DDX39A: variants seen among roughly 807,000 people sequenced by gnomAD.
DDX39A encodes DExD-box helicase 39A, also known as ATP-dependent RNA helicase DDX39A.
In DDX39A, 13 loss-of-function variants were observed where a neutral mutation model predicts 46.3. The observed-to-expected ratio is 0.28, with a 90% CI of 0.18 to 0.45. DDX39A has a LOEUF of 0.45. DDX39A is among the 20% of genes least tolerant of loss of function. The pLI, the probability that DDX39A is intolerant of heterozygous loss-of-function variation, is 1.00. For missense variants in DDX39A, 352 were observed against 581.8 expected (o/e 0.61, Z 4.06); for synonymous variants, 234 against 224.6 (o/e 1.04, Z -0.38).
chr19:14,419,137 C>A, intron 1 of DDX39A, 133 bp downstream of exon 1: 1 of 363,718 alleles, frequency 2.7e-6, no homozygotes, highest in Non-Finnish European at 5.4e-6. Context: ...CTCTGACACA[C>A]CAACCGCCCC....
chr19:14,412,691 C>T lies in DDX39A; in HGVS notation c.209-13G>A. 6.3e-7 allele frequency: 1 copy of T among 1,597,208 alleles called. No homozygotes were observed. The highest frequency in any genetic ancestry group is 1.1e-5 in the South Asian group (1 of 90,350). Reference sequence around the variant, plus strand: ...CACTCATGCTGGACTGCAGGAGAAGCAGAGCGTGAGGGACGAGAACCTGGA... The same window carrying T: ...CACTCATGCTGGACTGCAGGAGAAGTAGAGCGTGAGGGACGAGAACCTGGA... On this transcript the variant is annotated splice_polypyrimidine_tract_variant and intron_variant, in intron 2 of 10. Coordinates refer to ENST00000242776, the MANE Select transcript of DDX39A (RefSeq NM_005804.4). This position sits in a 1 kb window ranked among gnomAD's most constrained non-coding sequence, Gnocchi z 4.4.
rs547298868 is a variant in DDX39A at position 14,411,233 on chromosome 19, C to G, written c.430-61G>C. On this transcript the variant is annotated intron_variant, in intron 4 of 10. Coordinates refer to ENST00000242776, the MANE Select transcript of DDX39A (RefSeq NM_005804.4). This position sits in a 1 kb window ranked among gnomAD's most constrained non-coding sequence, Gnocchi z 4.1. Reference sequence around the variant, plus strand: ...ACACGGCCCAAGGCCCCAACCTGCACGGCCCAGCACCTGCGAACAGGAGGC... The same window carrying G: ...ACACGGCCCAAGGCCCCAACCTGCAGGGCCCAGCACCTGCGAACAGGAGGC... 5.6e-5 allele frequency: 84 copies of G among 1,503,390 alleles called. No homozygotes were observed. In the Admixed American group the frequency reaches 6.8e-4, roughly 12 times the overall value. The allele number at this position is 1,503,390 out of a possible 1,614,324, so 93.1% of individuals were successfully genotyped here. A position where few individuals can be genotyped will look rare whatever the true frequency, so the allele number is the denominator to read the frequency against.
chr19:14,409,499 G>T lies in DDX39A; in HGVS notation c.974+37C>A. On this transcript the variant is annotated intron_variant, in intron 8 of 10. Transcript: ENST00000242776. The surrounding 1 kb of genome is among the most constrained non-coding windows in gnomAD (Gnocchi z 8.3). ...GCCGTCAGACACTGGGCTCCTGGTG[G>T]TGCTCCCTGCAGCCTTGGCGGGCGG... 1 of 1,611,320 alleles carries T rather than the reference G, an allele frequency of 6.2e-7. No homozygotes were observed.
chr19:14,411,212 G>A lies in DDX39A; in HGVS notation c.430-40C>T, dbSNP rs371981175. ...AGGAAACCGCTCCATGCTGATACACGGCCCAAGGCCCCAACCTGCACGGCC... is the reference window on the plus strand; with the variant it reads ...AGGAAACCGCTCCATGCTGATACACAGCCCAAGGCCCCAACCTGCACGGCC... On this transcript the variant is annotated intron_variant, in intron 4 of 10. Coordinates refer to ENST00000242776, the MANE Select transcript of DDX39A (RefSeq NM_005804.4). This position sits in a 1 kb window ranked among gnomAD's most constrained non-coding sequence, Gnocchi z 4.1. 2.9e-5 allele frequency: 45 copies of A among 1,532,002 alleles called. No individual in the cohort carries two copies. The highest frequency in any genetic ancestry group is 2.3e-4 in the East Asian group (10 of 43,980). The allele number at this position is 1,532,002 out of a possible 1,614,324, so 94.9% of individuals were successfully genotyped here. A position where few individuals can be genotyped will look rare whatever the true frequency, so the allele number is the denominator to read the frequency against.
At chr19:14,418,742 G>T (rs529734571) in intron 1 of DDX39A, among the ~76,000 whole-genome samples, 27 of 152,208 alleles carry the variant, frequency 1.8e-4, no homozygotes, top group Admixed American at 5.9e-4. Context: ...GAGATTACAA[G>T]AGCCACCGCG....
rs1384185032 is a variant in DDX39A, at chr19:14,412,220, A to C, written c.336+331T>G. 1 of 287,334 alleles carries C rather than the reference A, an allele frequency of 3.5e-6. No individual in the cohort carries two copies. The highest frequency in any genetic ancestry group is 2.2e-5 in the African/African-American group (1 of 45,932). 17.8% of individuals were successfully genotyped at this position (287,334 alleles called of 1,614,324 possible). A position where few individuals can be genotyped will look rare whatever the true frequency, so the allele number is the denominator to read the frequency against. ...GGCAACCCAACCTTCACAGATGGAC[A>C]CTCTCTAGGTAAGTGGCACGGCAAA... is the stretch of plus-strand genomic sequence containing the variant. On this transcript the variant is annotated intron_variant, in intron 3 of 10. Transcript: ENST00000242776. This position sits in a 1 kb window ranked among gnomAD's most constrained non-coding sequence, Gnocchi z 4.4.
rs1976489306 is a variant in DDX39A at position 14,409,789 on chromosome 19, T to C, written c.817A>G (p.Lys273Glu). The C allele has an allele frequency of 6.2e-7, 1 of 1,614,036 alleles. No individual in the cohort carries two copies. The highest frequency in any genetic ancestry group is 8.5e-7 in the Non-Finnish European group (1 of 1,180,042). ...AAGAGATCAAAGAGCTTGCGGTTCT[T>C]CTCACTGTCTTTGAGTTTGACGTAG... The part of the protein sequence containing the change: ...QYYVKLKDSE[K>E]NRKLFDLLDV... Residue 273 changes from lysine to glutamate, a missense_variant, in exon 7 of 11, where the codon AAG (lysine) becomes GAG (glutamate). By Grantham distance (56) the Lys-to-Glu change is moderately conservative. This residue lies in a region of DDX39A where 301 missense variants were observed against 469.9 expected (regional missense o/e 0.64). Coordinates refer to ENST00000242776, the MANE Select transcript of DDX39A (RefSeq NM_005804.4). The surrounding 1 kb of genome is among the most constrained non-coding windows in gnomAD (Gnocchi z 8.3).
chr19:14,412,098 A>G lies in DDX39A; in HGVS notation c.336+453T>C, dbSNP rs543303821. Among the ~76,000 whole-genome samples the G allele has an allele frequency of 6.6e-6, 1 of 152,312 alleles. No homozygotes were observed. The highest frequency in any genetic ancestry group is 1.9e-4 in the East Asian group (1 of 5,184). ...CCTGACTCGGGAGCAAGACACCAGA[A>G]TTCACTGAAGTGTCTCCCCAGGACA... On this transcript the variant is annotated intron_variant, in intron 3 of 10. Transcript: ENST00000242776. The surrounding 1 kb of genome is among the most constrained non-coding windows in gnomAD (Gnocchi z 4.4).
Position 14,409,904 on chromosome 19 carries a change from C to A in DDX39A, c.733-31G>T. On this transcript the variant is annotated intron_variant, in intron 6 of 10. Transcript: ENST00000242776. This position sits in a 1 kb window ranked among gnomAD's most constrained non-coding sequence, Gnocchi z 8.3. ...TGGGAAGGGAGGTGGGAGGGGCGGG[C>A]AGGGATCACCTCTGGGCATCTCGCC... The A allele has an allele frequency of 6.2e-7, 1 of 1,612,004 alleles. No individual in the cohort carries two copies. The highest frequency in any genetic ancestry group is 8.5e-7 in the Non-Finnish European group (1 of 1,179,870).
In DDX39A at chr19:14,412,447, GC is replaced by G. The variant is rs1976630265; in HGVS notation, c.336+103del. 3 of 1,470,638 alleles carry G rather than the reference GC, an allele frequency of 2.0e-6. No individual in the cohort carries two copies. The highest frequency in any genetic ancestry group is 2.7e-6 in the Non-Finnish European group (3 of 1,097,554). 91.1% of individuals were successfully genotyped at this position (1,470,638 alleles called of 1,614,324 possible). On this transcript the variant is annotated intron_variant, in intron 3 of 10. Transcript: ENST00000242776. The surrounding 1 kb of genome is among the most constrained non-coding windows in gnomAD (Gnocchi z 4.4). ...GGGCTCAAGCAATCCTCCAGCCTCA[GC>G]TTCCCAAAGCACTGGGCTAACAGGT... is the stretch of plus-strand genomic sequence containing the variant.
rs752709024 is a variant in DDX39A, at chr19:14,411,513, C to A, written c.422G>T (p.Ser141Ile). The A allele has an allele frequency of 6.2e-7, 1 of 1,614,164 alleles. No homozygotes were observed. The highest frequency in any genetic ancestry group is 8.5e-7 in the Non-Finnish European group (1 of 1,179,972). The change falls in exon 4 of 11, where the codon AGC becomes ATC. Residue 141 changes from serine to isoleucine, a missense_variant. Around this residue, in one of 3 missense-constraint regions of DDX39A, gnomAD observed 301 missense variants for 469.9 expected, o/e 0.64. Coordinates refer to ENST00000242776, the MANE Select transcript of DDX39A (RefSeq NM_005804.4). The surrounding 1 kb of genome is among the most constrained non-coding windows in gnomAD (Gnocchi z 4.1). ...EYERFSKYMPSVKVSVFFGGL... is the reference protein window; with the variant it reads ...EYERFSKYMPIVKVSVFFGGL... ...CTGGCCCGAGGGACTCACCTTGACG[C>A]TGGGCATGTACTTGGAAAAGCGCTC...
chr19:14,416,942 C>G (rs558436080), intron 1 of DDX39A, among the ~76,000 whole-genome samples: 5 of 152,132 alleles, frequency 3.3e-5, no homozygotes, highest in Non-Finnish European at 7.4e-5. Context: ...CTCTGCCTCC[C>G]AAAGTGCTGG....
rs764998809 is a variant in DDX39A, at chr19:14,409,672, C to T, written c.865-27G>A. On this transcript the variant is annotated intron_variant, in intron 7 of 10. Transcript: ENST00000242776. This position sits in a 1 kb window ranked among gnomAD's most constrained non-coding sequence, Gnocchi z 8.3. ...TGAGGGAAGGAGTGGCAGTCAGGGCCACACAGTCCCTGTGGCCCAGTGACC... is the reference window on the plus strand; with the variant it reads ...TGAGGGAAGGAGTGGCAGTCAGGGCTACACAGTCCCTGTGGCCCAGTGACC... 5.6e-6 allele frequency: 9 copies of T among 1,610,092 alleles called. No individual in the cohort carries two copies. Among genetic ancestry groups the T allele is most frequent in the South Asian group, 5.5e-5 (5 of 90,838 alleles).
Position 14,409,882 on chromosome 19 carries a change from G to A in DDX39A, c.733-9C>T. On this transcript the variant is annotated splice_polypyrimidine_tract_variant and intron_variant, in intron 6 of 10. Coordinates refer to ENST00000242776, the MANE Select transcript of DDX39A (RefSeq NM_005804.4). This position sits in a 1 kb window ranked among gnomAD's most constrained non-coding sequence, Gnocchi z 8.3. ...ACAAACACCTCCATGGGCTGTGTGG[G>A]AAGGGAGGTGGGAGGGGCGGGCAGG... 1 of 1,613,492 alleles carries A rather than the reference G, an allele frequency of 6.2e-7. No individual in the cohort carries two copies.
intron 1 of DDX39A, 107 bp downstream of exon 1, chr19:14,419,163 C>A (rs1671319663): frequency 3.1e-5 from 11 of 350,360 alleles, no homozygotes; most frequent in South Asian, 2.3e-4. Flanking sequence ...CACCGTCTCG[C>A]GACCCTTTCT....
rs1052349198 is a variant in DDX39A, at chr19:14,412,235, G to A, written c.336+316C>T. ...ACAGATGGACACTCTCTAGGTAAGTGGCACGGCAAAACAGCAACGATGCCT... is the reference window on the plus strand; with the variant it reads ...ACAGATGGACACTCTCTAGGTAAGTAGCACGGCAAAACAGCAACGATGCCT... On this transcript the variant is annotated intron_variant, in intron 3 of 10. Transcript: ENST00000242776. This position sits in a 1 kb window ranked among gnomAD's most constrained non-coding sequence, Gnocchi z 4.4. 3.0e-6 allele frequency: 1 copy of A among 329,548 alleles called. No individual in the cohort carries two copies. Among genetic ancestry groups the A allele is most frequent in the African/African-American group, 2.1e-5 (1 of 47,200 alleles). The allele number at this position is 329,548 out of a possible 1,614,324, so 20.4% of individuals were successfully genotyped here. A position where few individuals can be genotyped will look rare whatever the true frequency, so the allele number is the denominator to read the frequency against.
At position 14,411,539 on chromosome 19, in the gene DDX39A, A is replaced by G. The variant is rs2146388422; in HGVS notation, c.396T>C (p.Tyr132=). The change falls in exon 4 of 11, where the codon TAT becomes TAC. Residue 132 remains tyrosine, a synonymous_variant. Transcript: ENST00000242776. This position sits in a 1 kb window ranked among gnomAD's most constrained non-coding sequence, Gnocchi z 4.1. Reference sequence around the variant, plus strand: ...TGGGCATGTACTTGGAAAAGCGCTCATATTCCTTGCTGATCTGGAAGGCCA... The same window carrying G: ...TGGGCATGTACTTGGAAAAGCGCTCGTATTCCTTGCTGATCTGGAAGGCCA... ...RELAFQISKE[Y]ERFSKYMPSV... 1.2e-6 allele frequency: 2 copies of G among 1,614,158 alleles called. No homozygotes were observed. The highest frequency in any genetic ancestry group is 2.2e-5 in the East Asian group (1 of 44,874).
At chr19:14,413,618 G>A (rs943772818) in intron 1 of DDX39A, among the ~76,000 whole-genome samples, 15 of 152,164 alleles carry the variant, frequency 9.9e-5, no homozygotes, top group African/African-American at 3.6e-4. Context: ...TCACCGCCAG[G>A]AATGCTCTGC....
Position 14,412,417 on chromosome 19 carries a change from T to G in DDX39A, c.336+134A>C, listed in dbSNP as rs777142205. ...GATCATAGCACACTGCAGCCTCGAC[T>G]TCCTGGGCTCAAGCAATCCTCCAGC... On this transcript the variant is annotated intron_variant, in intron 3 of 10. Transcript: ENST00000242776. This position sits in a 1 kb window ranked among gnomAD's most constrained non-coding sequence, Gnocchi z 4.4. 1.5e-6 allele frequency: 2 copies of G among 1,301,400 alleles called. No individual in the cohort carries two copies. The highest frequency in any genetic ancestry group is 2.8e-5 in the South Asian group (2 of 70,958). The allele number at this position is 1,301,400 out of a possible 1,614,324, so 80.6% of individuals were successfully genotyped here.
Sources: allele counts gnomAD v4.1 joint callset (sites outside exome capture counted in the v4.1 genomes callset), GRCh38; gene constraint gnomAD v4.1.1; regional missense constraint gnomAD v4.1.1; non-coding constraint Gnocchi (gnomAD v3.1); transcripts MANE v1.5; gene names NCBI Gene and HGNC (gene_info 2026-07-23, HGNC 2026-07-21).